The following VWA3B variants were observed in gnomAD, a reference collection of about 807,000 sequenced individuals.
VWA3B encodes von Willebrand factor A domain-containing protein 3B.
A neutral mutation model predicts 158.3 loss-of-function variants in VWA3B; 138 were observed. That is an observed-to-expected ratio of 0.87 (90% CI 0.76 to 1.00). The LOEUF is 1.00. VWA3B is among the 50% of genes least tolerant of loss of function. The pLI, the probability that VWA3B is intolerant of heterozygous loss-of-function variation, is 0.00. For missense variants in VWA3B, 1,555 were observed against 1,565.1 expected (o/e 0.99, Z 0.11); for synonymous variants, 596 against 587.3 (o/e 1.01, Z -0.21).
At chr2:98,181,911 T>G (rs1418454305) in intron 9 of VWA3B, among the ~76,000 whole-genome samples, 1 of 152,156 alleles carries the variant, frequency 6.6e-6, no homozygotes, top group African/African-American at 2.4e-5. Context: ...GGCCACACCT[T>G]GAGAAGCAGA....
intron 20 of VWA3B, among the ~76,000 whole-genome samples, 171 bp downstream of exon 20, chr2:98,250,607 TGAG>T (rs1434484957): frequency 1.3e-5 from 2 of 151,812 alleles, no homozygotes; most frequent in Non-Finnish European, 2.9e-5. Context: ...TTTGGGAGAC[TGAG>T]GCAGGAGGAC....
chr2:98,228,663 A>G (rs115631190), intron 15 of VWA3B, among the ~76,000 whole-genome samples: 1,568 of 152,074 alleles, frequency 0.01, 25 homozygotes, highest in African/African-American at 0.035. Flanking sequence ...CGAGGCCTGG[A>G]CTTCCCTCTA....
chr2:98,139,637 G>A (rs1357877074), intron 7 of VWA3B, among the ~76,000 whole-genome samples: 1 of 151,966 alleles, frequency 6.6e-6, no homozygotes, highest in African/African-American at 2.4e-5. Context: ...TACTCTGGTG[G>A]GGCCTTGGAG....
intron 7 of VWA3B, among the ~76,000 whole-genome samples, chr2:98,156,539 A>G (rs1678092401): frequency 6.6e-6 from 1 of 152,154 alleles, no homozygotes; most frequent in African/African-American, 2.4e-5. Flanking sequence ...TTTGTGGTTC[A>G]GAGTTGGTTG....
At chr2:98,201,301 T>G (rs1358286669) in intron 12 of VWA3B, among the ~76,000 whole-genome samples, 1 of 152,220 alleles carries the variant, frequency 6.6e-6, no homozygotes, top group Non-Finnish European at 1.5e-5. Flanking sequence ...AAATTATAAA[T>G]TTTAATTCTT....
At position 98,311,953 on chromosome 2, in the gene VWA3B, C is replaced by T. The variant is rs1690922971; in HGVS notation, c.3656C>T (p.Ala1219Val). Residue 1219 changes from alanine (A) to valine (V), a missense_variant, in exon 27 of 28, where the codon GCG (alanine) becomes GTG (valine). Coordinates refer to ENST00000477737, the MANE Select transcript of VWA3B (RefSeq NM_144992.5). Reference sequence around the variant, plus strand: ...CCCGCCAAGCAGCCACTCCAGCAGGCGGCGCCCTCGGACTCGGACGGCTCC... The same window carrying T: ...CCCGCCAAGCAGCCACTCCAGCAGGTGGCGCCCTCGGACTCGGACGGCTCC... ...KRPAKQPLQQAAPSDSDGSSH... is the reference protein window; with the variant it reads ...KRPAKQPLQQVAPSDSDGSSH... 3 of 1,606,234 alleles carry T rather than the reference C, an allele frequency of 1.9e-6. No homozygotes were observed. Among genetic ancestry groups the T allele is most frequent in the East Asian group, 2.2e-5 (1 of 44,596 alleles).
intron 23 of VWA3B, among the ~76,000 whole-genome samples, chr2:98,292,802 T>C (rs1689574288): frequency 6.6e-6 from 1 of 151,840 alleles, no homozygotes; most frequent in Non-Finnish European, 1.5e-5. Context: ...TCATTTCTAC[T>C]AAAAATACAG....
At chr2:98,153,003 G>A (rs1333145205) in intron 7 of VWA3B, among the ~76,000 whole-genome samples, 3 of 152,214 alleles carry the variant, frequency 2.0e-5, no homozygotes, top group Non-Finnish European at 4.4e-5. Context: ...TGGTAGACCA[G>A]CGTTGGACGA....
intron 7 of VWA3B, among the ~76,000 whole-genome samples, chr2:98,148,503 G>A (rs1677353291): frequency 6.6e-6 from 1 of 152,106 alleles, no homozygotes; most frequent in Admixed American, 6.6e-5. Flanking sequence ...CATTTTGGCT[G>A]TTTTTTATAG....
intron 17 of VWA3B, 77 bp downstream of exon 17, chr2:98,234,844 G>T: frequency 6.3e-7 from 1 of 1,580,406 alleles, no homozygotes. Context: ...GCTGCGTGTA[G>T]ATATGTTGGG....
At chr2:98,239,841 G>A (rs1377663232) in intron 19 of VWA3B, among the ~76,000 whole-genome samples, 1 of 151,688 alleles carries the variant, frequency 6.6e-6, no homozygotes, top group East Asian at 1.9e-4. Flanking sequence ...TTGAATTCGG[G>A]AGGCAGAGGT....
intron 2 of VWA3B, among the ~76,000 whole-genome samples, chr2:98,107,962 G>A (rs1459303667): frequency 1.3e-5 from 2 of 151,338 alleles, no homozygotes; most frequent in Admixed American, 1.3e-4. Context: ...TTTGATTATT[G>A]ATTTGAGATT....
At chr2:98,221,158 G>C (rs79464443) in intron 14 of VWA3B, among the ~76,000 whole-genome samples, 1 of 151,788 alleles carries the variant, frequency 6.6e-6, no homozygotes, top group Non-Finnish European at 1.5e-5. Flanking sequence ...ACTCATTGTC[G>C]TGTCATTCTC....
intron 12 of VWA3B, among the ~76,000 whole-genome samples, chr2:98,208,227 T>C (rs930207992): frequency 6.6e-6 from 1 of 152,120 alleles, no homozygotes; most frequent in Non-Finnish European, 1.5e-5. Flanking sequence ...TTTCCATCCT[T>C]TTACCTTTAA....
At chr2:98,305,535 C>A (rs1690468486) in intron 26 of VWA3B, among the ~76,000 whole-genome samples, 2 of 152,116 alleles carry the variant, frequency 1.3e-5, no homozygotes, top group South Asian at 4.1e-4. Flanking sequence ...TGTTTCCAAC[C>A]ACCCCCTGGA....
intron 8 of VWA3B, among the ~76,000 whole-genome samples, chr2:98,176,426 C>T (rs1402665573): frequency 1.3e-5 from 2 of 150,966 alleles, no homozygotes; most frequent in Admixed American, 6.6e-5. Flanking sequence ...TCAATTGTTC[C>T]ATATTATACC....
intron 9 of VWA3B, among the ~76,000 whole-genome samples, chr2:98,185,456 TA>T (rs1328411755): frequency 6.6e-6 from 1 of 152,218 alleles, no homozygotes. Flanking sequence ...CCACGATATA[TA>T]ATGCCTGGTT....
intron 11 of VWA3B, among the ~76,000 whole-genome samples, chr2:98,193,737 C>CT (rs941650442): frequency 3.3e-5 from 5 of 151,880 alleles, no homozygotes; most frequent in African/African-American, 7.3e-5. Context: ...CTACAGGCGC[C>CT]TGCCACCACG....
chr2:98,257,032 T>C (rs1034490075), intron 21 of VWA3B, among the ~76,000 whole-genome samples: 6 of 152,124 alleles, frequency 3.9e-5, no homozygotes, highest in Non-Finnish European at 7.4e-5. Context: ...TGTCAAGTGT[T>C]AGAACTTTTT....
Sources: gnomAD v4.1 joint callset for allele counts (sites outside exome capture counted in the v4.1 genomes callset) on GRCh38, gnomAD v4.1.1 for gene constraint, MANE v1.5 for transcripts, NCBI Gene and HGNC (gene_info 2026-07-23, HGNC 2026-07-21) for gene names.